Variants in BTD observed in about 807,000 individuals in gnomAD.
BTD encodes biocytinase.
In BTD, 13 loss-of-function variants were observed where a neutral mutation model predicts 17.7. The ratio of observed to expected loss-of-function variants is 0.74; its 90% CI spans 0.48 to 1.17. BTD has a LOEUF of 1.17. BTD is among the 50% of genes most tolerant of loss of function. The pLI is 0.00. For missense variants in BTD, 674 were observed against 650.4 expected (o/e 1.04, Z -0.39); for synonymous variants, 240 against 245.2 (o/e 0.98, Z 0.20).
At chr3:15,708,338 A>T (rs914000682) in intron 3 of BTD, among the ~76,000 whole-genome samples, 12 of 152,190 alleles carry the variant, frequency 7.9e-5, no homozygotes, top group Non-Finnish European at 1.6e-4. Flanking sequence ...CCTTTGAGTG[A>T]CTTTCAAATA....
intron 3 of BTD, among the ~76,000 whole-genome samples, chr3:15,643,041 AAAATAAAAT>A (rs1399803132): frequency 3.0e-5 from 4 of 134,846 alleles, no homozygotes; most frequent in African/African-American, 1.0e-4. Flanking sequence ...AAAAAAAAAA[AAAATAAAAT>A]AAAATAAAGA....
chr3:15,680,078 A>G (rs2067379387), intron 3 of BTD, among the ~76,000 whole-genome samples: 1 of 152,130 alleles, frequency 6.6e-6, no homozygotes, highest in South Asian at 2.1e-4. Flanking sequence ...CCAATCCTCA[A>G]CAGCAAACGA....
chr3:15,679,444 A>G, intron 3 of BTD: 1 of 1,613,676 alleles, frequency 6.2e-7, no homozygotes, highest in South Asian at 1.1e-5. Flanking sequence ...AAAACACTCA[A>G]ACCAAATCTG....
At position 15,693,605 on chromosome 3, in the gene BTD, ATGCTGCTGC is replaced by A. The variant is rs56816346; in HGVS notation, c.400-16441_400-16433del. On this transcript the variant is annotated intron_variant, in intron 3 of 3. Coordinates refer to the BTD transcript ENST00000672141. ...TGACAGTGAAATTATTATAATGAGAATGCTGCTGCTGCTGCTGCTGCTAATGCTGCTCAG... is the reference window on the plus strand; with the variant it reads ...TGACAGTGAAATTATTATAATGAGAATGCTGCTGCTGCTAATGCTGCTCAG... 3.0e-4 allele frequency among the ~76,000 whole-genome samples: 45 copies of A among 152,002 alleles called. 6 individuals are homozygous for A. The highest frequency in any genetic ancestry group is 9.8e-4 in the Admixed American group (15 of 15,278).
chr3:15,615,044 C>G (rs2064754645), intron 1 of BTD, among the ~76,000 whole-genome samples: 1 of 152,160 alleles, frequency 6.6e-6, no homozygotes, highest in African/African-American at 2.4e-5. Context: ...AACTTTCTTG[C>G]ATAATATTTG....
At position 15,635,559 on chromosome 3, in the gene BTD, T is replaced by TATGA; in HGVS notation, c.120_121insATGA (p.Ala41MetfsTer5). ...ATCACGAGGCTGAATATTATGTGGC[T>TATGA]GCCGTGTATGAGCATCCATCCATCC... On this transcript the variant is annotated frameshift_variant, in exon 2 of 4. Transcript: ENST00000643237. LOFTEE classifies it high-confidence loss of function. This position sits in a 1 kb window ranked among gnomAD's most constrained non-coding sequence, Gnocchi z 4.1. 1 of 1,614,206 alleles carries TATGA rather than the reference T, an allele frequency of 6.2e-7. No individual in the cohort carries two copies.
rs1316912999 is a variant in BTD at position 15,614,596 on chromosome 3, TTC to T, written c.-17+12704_-17+12705del. On this transcript the variant is annotated intron_variant, in intron 1 of 3. Transcript: ENST00000643237. ...TTTGGTTTTATTTGACAATATCTTT[TTC>T]TTTTTTTTTTTTTTTTTGACACAGA... Among the ~76,000 whole-genome samples, 1,456 of 148,214 alleles carry T rather than the reference TTC, an allele frequency of 9.8e-3. 17 individuals are homozygous for T. The highest frequency in any genetic ancestry group is 0.027 in the African/African-American group (1,027 of 38,310).
In BTD at chr3:15,628,058, C is replaced by G. The variant is rs1219524932; in HGVS notation, c.-16-7366C>G. ...TCTTTTGATTTGGGGAACAGGGTTCCTTGGCCCTATTACCCACCACATTGT... is the reference window on the plus strand; with the variant it reads ...TCTTTTGATTTGGGGAACAGGGTTCGTTGGCCCTATTACCCACCACATTGT... On this transcript the variant is annotated intron_variant, in intron 1 of 3. Coordinates refer to ENST00000643237, the MANE Select transcript of BTD (RefSeq NM_001370658.1). Among the ~76,000 whole-genome samples, 5 of 152,230 alleles carry G rather than the reference C, an allele frequency of 3.3e-5. No individual in the cohort carries two copies. In the East Asian group the frequency reaches 9.6e-4, roughly 29 times the overall value.
At chr3:15,630,399 AAGAC>A (rs1268899636) in intron 1 of BTD, among the ~76,000 whole-genome samples, 3 of 152,218 alleles carry the variant, frequency 2.0e-5, no homozygotes, top group Admixed American at 6.5e-5. Context: ...TAGAAAGTGA[AAGAC>A]AGACTGTTAT....
At chr3:15,618,409 G>A (rs564579280) in intron 1 of BTD, among the ~76,000 whole-genome samples, 12 of 152,140 alleles carry the variant, frequency 7.9e-5, no homozygotes, top group Non-Finnish European at 1.5e-4. Flanking sequence ...GTGCTGCTTT[G>A]ATTTCTTTCA....
chr3:15,713,176 T>C (rs529588266), downstream of BTD, among the ~76,000 whole-genome samples: 40 of 152,192 alleles, frequency 2.6e-4, no homozygotes, highest in Admixed American at 2.5e-3. Flanking sequence ...TATCTACAGA[T>C]AGTATTTGGA....
intron 3 of BTD, among the ~76,000 whole-genome samples, chr3:15,701,709 TA>T (rs2070660849): frequency 6.6e-6 from 1 of 152,050 alleles, no homozygotes; most frequent in Non-Finnish European, 1.5e-5. Context: ...GATAAAGAAA[TA>T]AAATAAAACC....
At chr3:15,694,911 G>C in intron 3 of BTD, 1 of 1,120,982 alleles carries the variant, frequency 8.9e-7, no homozygotes, top group South Asian at 1.3e-5. Flanking sequence ...GTATTATTTG[G>C]CAACTCAGCA....
At chr3:15,608,019 T>C (rs1405188405) in intron 1 of BTD, among the ~76,000 whole-genome samples, 1 of 152,250 alleles carries the variant, frequency 6.6e-6, no homozygotes, top group Admixed American at 6.5e-5. Flanking sequence ...AGCAACTTTA[T>C]TATTGAGCTG....
At chr3:15,634,710 G>C (rs1373341490) in intron 1 of BTD, among the ~76,000 whole-genome samples, 5 of 152,122 alleles carry the variant, frequency 3.3e-5, no homozygotes, top group African/African-American at 1.2e-4. Flanking sequence ...ACAGAGATGG[G>C]GTTAAGAAAG....
At chr3:15,673,339 T>G (rs1575073487) in intron 3 of BTD, among the ~76,000 whole-genome samples, 2 of 152,236 alleles carry the variant, frequency 1.3e-5, no homozygotes, top group East Asian at 3.8e-4. Context: ...TTACACTATA[T>G]CATCAGAAGT....
chr3:15,677,439 A>AATATT, intron 3 of BTD: 1 of 1,457,704 alleles, frequency 6.9e-7, no homozygotes, highest in Non-Finnish European at 9.5e-7. Flanking sequence ...GGTCACTGTT[A>AATATT]ATATTAACAA....
intron 3 of BTD, among the ~76,000 whole-genome samples, chr3:15,706,659 C>T (rs1029169178): frequency 3.9e-5 from 6 of 152,116 alleles, no homozygotes; most frequent in African/African-American, 9.7e-5. Context: ...CTTGATGAAT[C>T]GCCACACTGT....
chr3:15,609,221 A>C (rs1157899492), intron 1 of BTD, among the ~76,000 whole-genome samples: 1 of 152,216 alleles, frequency 6.6e-6, no homozygotes, highest in Non-Finnish European at 1.5e-5. Flanking sequence ...ATAGGATCAG[A>C]GATTAATATA....
Sources: gnomAD v4.1 joint callset for allele counts (sites outside exome capture counted in the v4.1 genomes callset) on GRCh38, gnomAD v4.1.1 for gene constraint, Gnocchi (gnomAD v3.1) non-coding constraint, MANE v1.5 for transcripts, NCBI Gene and HGNC (gene_info 2026-07-23, HGNC 2026-07-21) for gene names.